ROBO1: variants seen among roughly 807,000 people sequenced by gnomAD.
ROBO1 encodes roundabout homolog 1.
A neutral mutation model predicts 195.9 loss-of-function variants in ROBO1; 149 were observed. That is an observed-to-expected ratio of 0.76 (90% confidence interval 0.67 to 0.87). The LOEUF is 0.87. ROBO1 is among the 40% of genes least tolerant of loss of function. ROBO1 has a pLI of 0.00. For missense variants in ROBO1, 1,933 were observed against 2,068.3 expected (o/e 0.93, Z 1.27); for synonymous variants, 816 against 733.2 (o/e 1.11, Z -1.82).
chr3:79,412,563 C>A (rs564080632), intron 2 of ROBO1, among the ~76,000 whole-genome samples: 2 of 152,036 alleles, frequency 1.3e-5, no homozygotes, highest in African/African-American at 4.8e-5. Context: ...GCTCTGACAT[C>A]TTGGAGAAAG....
intron 2 of ROBO1, among the ~76,000 whole-genome samples, chr3:79,484,976 T>G (rs948906406): frequency 1.6e-4 from 24 of 151,872 alleles, no homozygotes; most frequent in African/African-American, 5.8e-4. Flanking sequence ...ATGATCTCGA[T>G]CTCTTGACCT....
chr3:78,741,068 G>T (rs185322881), intron 5 of ROBO1, among the ~76,000 whole-genome samples: 4 of 152,098 alleles, frequency 2.6e-5, no homozygotes, highest in Non-Finnish European at 5.9e-5. Context: ...CTATACAGTT[G>T]CTCTTGTCTC....
chr3:78,816,344 TTGACAATGTACCCAGTCACCTG>T (rs2084902950), intron 4 of ROBO1, among the ~76,000 whole-genome samples: 1 of 20,780 alleles, frequency 4.8e-5, no homozygotes, highest in Non-Finnish European at 1.7e-4. Context: ...TTACTGCTTA[TTGACAATGTACCCAGTCACCTG>T]AGAACTCTGA....
chr3:78,881,893 G>C (rs2036202015), intron 4 of ROBO1, among the ~76,000 whole-genome samples: 1 of 152,038 alleles, frequency 6.6e-6, no homozygotes, highest in Non-Finnish European at 1.5e-5. Context: ...GGCCTTAATA[G>C]ATCAAATGGA....
At chr3:78,747,362 TTTAA>T (rs1426888054) in intron 4 of ROBO1, among the ~76,000 whole-genome samples, 1 of 152,166 alleles carries the variant, frequency 6.6e-6, no homozygotes, top group Non-Finnish European at 1.5e-5. Context: ...TAAGCATGAA[TTTAA>T]TTGAGCAATA....
At position 78,938,774 on chromosome 3, in the gene ROBO1, T is replaced by C; in HGVS notation, c.326A>G (p.Glu109Gly). 6.2e-7 allele frequency: 1 copy of C among 1,613,986 alleles called. No individual in the cohort carries two copies. Among genetic ancestry groups the C allele is most frequent in the Non-Finnish European group, 8.5e-7 (1 of 1,179,892 alleles). The change falls in exon 4 of 31, where the codon GAG becomes GGG. Residue 109 changes from glutamate (E) to glycine (G), a missense_variant. Glu to Gly is a moderately conservative substitution (Grantham distance 98). This residue lies in a region of ROBO1 where 185 missense variants were observed against 159.5 expected (regional missense o/e 1.16). Transcript: ENST00000464233. ...TGAGCGAGGGTCATCTTTGTCTGTC[T>C]CCACTCTCTCTCCCCCTTTGTACCA... ...IEWYKGGERV[E>G]TDKDDPRSHR...
intron 3 of ROBO1, among the ~76,000 whole-genome samples, chr3:79,100,866 AG>A (rs2079662807): frequency 6.6e-6 from 1 of 151,832 alleles, no homozygotes; most frequent in Admixed American, 6.6e-5. Flanking sequence ...AAGAAGCTTG[AG>A]GCACCACTGT....
chr3:78,961,315 G>A (rs113095136), intron 3 of ROBO1, among the ~76,000 whole-genome samples: 21 of 152,278 alleles, frequency 1.4e-4, no homozygotes, highest in African/African-American at 5.1e-4. Context: ...GCAAGGAGAT[G>A]GTCAAGATGA....
chr3:79,402,949 T>C (rs908464338), intron 2 of ROBO1, among the ~76,000 whole-genome samples: 1 of 151,800 alleles, frequency 6.6e-6, no homozygotes, highest in Admixed American at 6.6e-5. Context: ...GAACTCATCG[T>C]CTTCTTCCCC....
At chr3:79,346,292 T>C (rs1256483788) in intron 2 of ROBO1, among the ~76,000 whole-genome samples, 1 of 152,122 alleles carries the variant, frequency 6.6e-6, no homozygotes, top group Non-Finnish European at 1.5e-5. Context: ...TATGGCTATG[T>C]TGTATTTTTC....
intron 4 of ROBO1, among the ~76,000 whole-genome samples, chr3:78,873,639 T>C (rs1468694763): frequency 1.3e-5 from 2 of 152,108 alleles, no homozygotes; most frequent in South Asian, 2.1e-4. Flanking sequence ...AATTAAATGA[T>C]AAAGGAATAC....
At chr3:79,250,202 A>G (rs2082694893) in intron 2 of ROBO1, among the ~76,000 whole-genome samples, 1 of 152,192 alleles carries the variant, frequency 6.6e-6, no homozygotes, top group Non-Finnish European at 1.5e-5. Flanking sequence ...CACATGCACT[A>G]TGTTAAGTAG....
intron 2 of ROBO1, among the ~76,000 whole-genome samples, chr3:79,363,788 A>G (rs1189702823): frequency 2.0e-5 from 3 of 152,204 alleles, no homozygotes; most frequent in Non-Finnish European, 2.9e-5. Context: ...TCCTTTCTTC[A>G]TTGTGACTTG....
At chr3:78,943,364 G>C (rs2107715089) in intron 3 of ROBO1, among the ~76,000 whole-genome samples, 1 of 152,298 alleles carries the variant, frequency 6.6e-6, no homozygotes, top group African/African-American at 2.4e-5. Context: ...CTCTGTCCCT[G>C]ATTTGCAGTC....
Position 78,657,195 on chromosome 3 carries a change from A to G in ROBO1, c.2517T>C (p.Ile839=). 2 of 1,613,512 alleles carry G rather than the reference A, an allele frequency of 1.2e-6. No individual in the cohort carries two copies. Among genetic ancestry groups the G allele is most frequent in the Non-Finnish European group, 1.7e-6 (2 of 1,179,712 alleles). Residue 839 remains isoleucine (I), a synonymous_variant, in exon 18 of 31, where the codon ATT becomes ATC. Transcript: ENST00000464233. ...ATCGGATTCCAGGAACAAGAAAGGG[A>G]ATGACCACGGAAAAGGTGGAACCAT... ...TVDGSTFSVV[I]PFLVPGIRYS...
Position 79,741,192 on chromosome 3 carries a change from A to G in ROBO1, c.-51+26560T>C, listed in dbSNP as rs145717137. ...TGCAGGATGGGAGATCTTTTTCAGC[A>G]GAACAAACCATATCAGCCTAGTCAA... On this transcript the variant is annotated intron_variant, in intron 1 of 30. Transcript: ENST00000464233. Among the ~76,000 whole-genome samples the G allele has an allele frequency of 2.0e-3, 299 of 152,320 alleles. 11 individuals are homozygous for G. The East Asian group carries it at 0.057, about 29-fold the overall frequency.
At chr3:79,592,347 C>T (rs573671064) in intron 1 of ROBO1, among the ~76,000 whole-genome samples, 106 of 151,924 alleles carry the variant, frequency 7.0e-4, no homozygotes, top group African/African-American at 2.2e-3. Flanking sequence ...TAAGGTATTA[C>T]GATTAATATT....
chr3:79,372,959 G>T (rs2036254208), intron 2 of ROBO1, among the ~76,000 whole-genome samples: 1 of 151,626 alleles, frequency 6.6e-6, no homozygotes, highest in Non-Finnish European at 1.5e-5. Context: ...TGTTATATGG[G>T]TTTATCAGGT....
At chr3:79,287,269 C>T (rs910991406) in intron 2 of ROBO1, among the ~76,000 whole-genome samples, 1 of 152,182 alleles carries the variant, frequency 6.6e-6, no homozygotes, top group Admixed American at 6.5e-5. Flanking sequence ...TGTCTTGTGT[C>T]TAGAATGCTG....
Sources: allele counts gnomAD v4.1 joint callset (sites outside exome capture counted in the v4.1 genomes callset), GRCh38; gene constraint gnomAD v4.1.1; regional missense constraint gnomAD v4.1.1; transcripts MANE v1.5; gene names NCBI Gene and HGNC (gene_info 2026-07-23, HGNC 2026-07-21).